Variants in HMCN1 observed in about 807,000 individuals in gnomAD.
HMCN1 encodes hemicentin 1, also known as hemicentin-1.
HMCN1 carries 321 observed loss-of-function variants against 625.9 expected under a neutral mutation model. The ratio of observed to expected loss-of-function variants is 0.51; its 90% CI spans 0.47 to 0.56. HMCN1 has a LOEUF of 0.56. Ranked by LOEUF, HMCN1 falls within the 20% of genes least tolerant of loss-of-function variation. The pLI, the probability that HMCN1 is intolerant of heterozygous loss-of-function variation, is 0.00. For missense variants in HMCN1, 6,588 were observed against 6,887.3 expected (o/e 0.96, Z 1.54); for synonymous variants, 2,425 against 2,417.6 (o/e 1.00, Z -0.09).
intron 26 of HMCN1, 23 bp from the exon 27 acceptor site, chr1:186,001,275 C>T (rs760476704): frequency 1.3e-6 from 2 of 1,599,374 alleles, no homozygotes; most frequent in Admixed American, 1.7e-5. Context: ...AACTAGCTAG[C>T]TATGACTCCT....
chr1:186,144,872 AT>A (rs1352661695), intron 91 of HMCN1, among the ~76,000 whole-genome samples, 169 bp downstream of exon 91: 1 of 152,216 alleles, frequency 6.6e-6, no homozygotes, highest in Non-Finnish European at 1.5e-5. Flanking sequence ...GATGTCTTCG[AT>A]TCATAGGGGC....
chr1:185,782,636 G>A (rs536552786), intron 1 of HMCN1, among the ~76,000 whole-genome samples: 1 of 152,156 alleles, frequency 6.6e-6, no homozygotes, highest in African/African-American at 2.4e-5. Flanking sequence ...GAAATTCTGG[G>A]TTGAAAATTC....
chr1:185,820,955 C>T (rs1660146701), intron 1 of HMCN1, among the ~76,000 whole-genome samples: 1 of 151,784 alleles, frequency 6.6e-6, no homozygotes, highest in Non-Finnish European at 1.5e-5. Context: ...TTGATGAGTT[C>T]TAATCATCTA....
In HMCN1 at chr1:186,081,388, T is replaced by G; in HGVS notation, c.8781T>G (p.Ile2927Met). Residue 2927 changes from isoleucine to methionine, a missense_variant, in exon 56 of 107, where the codon ATT (isoleucine) becomes ATG (methionine). Ile to Met is a conservative substitution (Grantham distance 10). Around this residue, in one of 3 missense-constraint regions of HMCN1, gnomAD observed 4,628 missense variants for 4,853.1 expected, o/e 0.95. Transcript: ENST00000271588. Reference sequence around the variant, plus strand: ...ATAAATTTCTATCTAATGGACGAATTCTGCAGGTAAAAGTAAAGAAAGATC... The same window carrying G: ...ATAAATTTCTATCTAATGGACGAATGCTGCAGGTAAAAGTAAAGAAAGATC... ...DHHKFLSNGR[I>M]LQILNTQITD... The G allele has an allele frequency of 6.2e-7, 1 of 1,609,550 alleles. No homozygotes were observed. Among genetic ancestry groups the G allele is most frequent in the Non-Finnish European group, 8.5e-7 (1 of 1,176,090 alleles).
At chr1:185,758,701 CT>C (rs890676639) in intron 1 of HMCN1, among the ~76,000 whole-genome samples, 2 of 152,058 alleles carry the variant, frequency 1.3e-5, no homozygotes, top group African/African-American at 4.8e-5. Flanking sequence ...CCTATTCCTC[CT>C]TTTTTTCTTC....
chr1:186,172,478 G>A (rs796243066), intron 102 of HMCN1, among the ~76,000 whole-genome samples: 1 of 152,234 alleles, frequency 6.6e-6, no homozygotes, highest in African/African-American at 2.4e-5. Flanking sequence ...GAAAAATTAT[G>A]TCTGTAGAGA....
At chr1:186,101,698 T>C (rs1001128610) in intron 68 of HMCN1, among the ~76,000 whole-genome samples, 42 of 152,124 alleles carry the variant, frequency 2.8e-4, no homozygotes, top group African/African-American at 9.2e-4. Context: ...CTGCTGCTAC[T>C]ATTTTAAATC....
intron 51 of HMCN1, among the ~76,000 whole-genome samples, chr1:186,070,251 G>A (rs748273100): frequency 1.1e-4 from 16 of 152,180 alleles, no homozygotes; most frequent in Non-Finnish European, 2.4e-4. Flanking sequence ...TAAAGGAAGA[G>A]TATCTTTCTG....
chr1:185,824,667 T>G (rs1660400919), intron 1 of HMCN1, among the ~76,000 whole-genome samples: 1 of 152,176 alleles, frequency 6.6e-6, no homozygotes, highest in African/African-American at 2.4e-5. Flanking sequence ...GTCTACTATA[T>G]GTATTACTTT....
chr1:186,010,172 C>T lies in HMCN1; in HGVS notation c.4630+2890C>T, dbSNP rs555964871. On this transcript the variant is annotated intron_variant, in intron 30 of 106. Transcript: ENST00000271588. ...TTGCATAAAAGTCTTGAGGGGTGTG[C>T]GTGTCTGTGTGTGTGTCTGTGTCTG... is the stretch of plus-strand genomic sequence containing the variant. Among the ~76,000 whole-genome samples the T allele has an allele frequency of 3.3e-5, 5 of 151,460 alleles. No homozygotes were observed. In the South Asian group the frequency reaches 6.3e-4, roughly 19 times the overall value.
At chr1:185,817,469 A>G (rs1416095485) in intron 1 of HMCN1, among the ~76,000 whole-genome samples, 1 of 152,152 alleles carries the variant, frequency 6.6e-6, no homozygotes, top group African/African-American at 2.4e-5. Flanking sequence ...ACAAGTTGGA[A>G]AAAAGGCAGA....
At chr1:185,844,507 CTAAT>C (rs1379814398) in intron 1 of HMCN1, among the ~76,000 whole-genome samples, 4 of 152,096 alleles carry the variant, frequency 2.6e-5, no homozygotes, top group Non-Finnish European at 5.9e-5. Flanking sequence ...GAAGGTTTGG[CTAAT>C]TAATTATTAT....
At chr1:185,957,373 G>A (rs1649702552) in intron 11 of HMCN1, among the ~76,000 whole-genome samples, 1 of 152,202 alleles carries the variant, frequency 6.6e-6, no homozygotes. Context: ...TACAGTGGCT[G>A]CTTAATTTTC....
chr1:186,046,170 C>T (rs1027430456), intron 41 of HMCN1, among the ~76,000 whole-genome samples: 3 of 152,060 alleles, frequency 2.0e-5, no homozygotes, highest in Non-Finnish European at 4.4e-5. Flanking sequence ...ATTTTAGGTG[C>T]TCTGGACAAA....
At chr1:186,105,879 T>A (rs948558128) in intron 69 of HMCN1, among the ~76,000 whole-genome samples, 1 of 152,184 alleles carries the variant, frequency 6.6e-6, no homozygotes, top group African/African-American at 2.4e-5. Flanking sequence ...GAAGAGTTAG[T>A]TTTAGAGATT....
In HMCN1 at chr1:186,103,964, C is replaced by T. The variant is rs78936583; in HGVS notation, c.10770+296C>T. Among the ~76,000 whole-genome samples, 1,380 of 152,094 alleles carry T rather than the reference C, an allele frequency of 9.1e-3. 13 individuals carry two copies. The highest frequency in any genetic ancestry group is 0.012 in the Non-Finnish European group (805 of 67,984). On this transcript the variant is annotated intron_variant, in intron 69 of 106. Transcript: ENST00000271588. The stretch of plus-strand genomic sequence containing the variant: ...AAAGTTCTTAATTTATACTATGTAC[C>T]CCTTAATGGAACTGGCAAAAAGCAA...
At chr1:185,897,967 T>A (rs1029699517) in intron 4 of HMCN1, among the ~76,000 whole-genome samples, 1 of 152,180 alleles carries the variant, frequency 6.6e-6, no homozygotes, top group African/African-American at 2.4e-5. Context: ...TCCTATAAAA[T>A]GGAGGAAATA....
At chr1:185,984,911 T>C (rs953420710) in intron 19 of HMCN1, among the ~76,000 whole-genome samples, 1 of 152,216 alleles carries the variant, frequency 6.6e-6, no homozygotes, top group Admixed American at 6.5e-5. Context: ...TTTAATATAC[T>C]TTTTAAAGAC....
intron 43 of HMCN1, 108 bp from the exon 44 acceptor site, chr1:186,053,717 A>G (rs1321209632): frequency 9.3e-7 from 1 of 1,079,410 alleles, no homozygotes; most frequent in Non-Finnish European, 1.4e-6. Flanking sequence ...TTACAGTGTC[A>G]TTTGCCTTTT....
Sources: allele counts gnomAD v4.1 joint callset (sites outside exome capture counted in the v4.1 genomes callset), GRCh38; gene constraint gnomAD v4.1.1; regional missense constraint gnomAD v4.1.1; transcripts MANE v1.5; gene names NCBI Gene and HGNC (gene_info 2026-07-23, HGNC 2026-07-21).